Variants in MFSD8 observed in about 807,000 individuals in gnomAD.
MFSD8 encodes major facilitator superfamily domain containing 8.
Under a neutral mutation model 66.4 loss-of-function variants are expected in MFSD8, and 55 were observed. The ratio of observed to expected loss-of-function variants is 0.83; its 90% CI spans 0.67 to 1.04. MFSD8 has a LOEUF of 1.04. MFSD8 is among the 50% of genes least tolerant of loss of function. MFSD8 has a pLI of 0.00. For missense variants in MFSD8, 550 were observed against 627.6 expected, an observed-to-expected ratio of 0.88 and a Z score of 1.32; for synonymous variants, 202 against 212.8, an observed-to-expected ratio of 0.95 and a Z score of 0.44.
intron 1 of MFSD8, among the ~76,000 whole-genome samples, chr4:127,963,849 T>C (rs1293579066): frequency 1.3e-5 from 2 of 152,176 alleles, no homozygotes; most frequent in Non-Finnish European, 2.9e-5. Context: ...TCCTGCTGAT[T>C]GGTAGAGCCG....
intron 5 of MFSD8, among the ~76,000 whole-genome samples, chr4:127,940,497 A>G (rs1739979505): frequency 6.9e-6 from 1 of 144,380 alleles, no homozygotes; most frequent in Non-Finnish European, 1.5e-5. Context: ...CAGATATCTT[A>G]AATATTATTC....
chr4:127,946,450 A>AC (rs1360940676), intron 3 of MFSD8, among the ~76,000 whole-genome samples: 4 of 152,186 alleles, frequency 2.6e-5, no homozygotes, highest in Non-Finnish European at 4.4e-5. Context: ...TCCAATGACT[A>AC]CCAGCATGGA....
rs1739839175 is a variant in MFSD8 at position 127,939,839 on chromosome 4, TTCTA to T, written c.698+10_698+13del. 1.9e-6 allele frequency: 3 copies of T among 1,604,108 alleles called. No individual in the cohort carries two copies. ...CAATCTACAAAAATAGTTTTATCAT[TTCTA>T]TCTAATTACCTTAGTATGGCAAGGA... On this transcript the variant is annotated intron_variant, in intron 6 of 11. Coordinates refer to ENST00000641686, the MANE Select transcript of MFSD8 (RefSeq NM_001371596.2).
Position 127,942,154 on chromosome 4 carries a change from A to G in MFSD8, c.444T>C (p.Asn148=). ...CAGTATATGATCTAACAACTGCTAC[A>G]TTTCCTTAAAAACAAGACACAATAA... ...ARGLLGIGAG[N]VAVVRSYTAG... is the part of the protein sequence containing the mutation. Residue 148 remains asparagine, a synonymous_variant, in exon 5 of 12, where the codon AAT becomes AAC. Transcript: ENST00000641686. 1 of 1,603,798 alleles carries G rather than the reference A, an allele frequency of 6.2e-7. No homozygotes were observed. The highest frequency in any genetic ancestry group is 8.5e-7 in the Non-Finnish European group (1 of 1,170,800).
chr4:127,954,309 G>A (rs189679303), intron 2 of MFSD8, among the ~76,000 whole-genome samples: 1 of 151,252 alleles, frequency 6.6e-6, no homozygotes, highest in East Asian at 1.9e-4. Context: ...AATAAGTTGA[G>A]GTTAGAGGCA....
At chr4:127,951,556 C>G (rs2148950004) in intron 2 of MFSD8, among the ~76,000 whole-genome samples, 1 of 152,116 alleles carries the variant, frequency 6.6e-6, no homozygotes, top group South Asian at 2.1e-4. Flanking sequence ...ACACATTTGT[C>G]ACCTCAAAAA....
intron 9 of MFSD8, among the ~76,000 whole-genome samples, chr4:127,923,206 G>A (rs531377272): frequency 6.6e-6 from 1 of 152,200 alleles, no homozygotes; most frequent in African/African-American, 2.4e-5. Flanking sequence ...GTCTTGTGCC[G>A]GTTTTCAAAG....
At chr4:127,961,611 G>C (rs1207334137) in intron 1 of MFSD8, among the ~76,000 whole-genome samples, 1 of 151,944 alleles carries the variant, frequency 6.6e-6, no homozygotes, top group African/African-American at 2.4e-5. Context: ...TCAGGAGATC[G>C]AGACCATCCT....
At chr4:127,940,185 A>C (rs749214918) in intron 5 of MFSD8, among the ~76,000 whole-genome samples, 188 bp from the exon 6 acceptor site, 13 of 152,140 alleles carry the variant, frequency 8.5e-5, no homozygotes, top group Non-Finnish European at 1.6e-4. Flanking sequence ...TGTATAAAGC[A>C]GGTATGTACA....
At chr4:127,951,916 G>A (rs1489298991) in intron 2 of MFSD8, among the ~76,000 whole-genome samples, 3 of 151,476 alleles carry the variant, frequency 2.0e-5, no homozygotes, top group Non-Finnish European at 4.4e-5. Flanking sequence ...TTTTCGTAGA[G>A]ATGGGGTTTC....
intron 7 of MFSD8, among the ~76,000 whole-genome samples, chr4:127,937,566 C>T (rs1739284147): frequency 6.6e-6 from 1 of 152,160 alleles, no homozygotes; most frequent in Non-Finnish European, 1.5e-5. Flanking sequence ...AAGAAAAACA[C>T]AAATATTGTA....
chr4:127,935,368 G>A (rs925268703), intron 7 of MFSD8, among the ~76,000 whole-genome samples: 4 of 152,076 alleles, frequency 2.6e-5, no homozygotes, highest in African/African-American at 4.8e-5. Context: ...GGCTTCAGTG[G>A]GGTATCTCAG....
At chr4:127,932,835 A>C (rs1022549134) in intron 8 of MFSD8, 150 bp downstream of exon 8, 2 of 601,712 alleles carry the variant, frequency 3.3e-6, no homozygotes, top group African/African-American at 3.7e-5. Flanking sequence ...AGTTACAAGC[A>C]ACAAAATGTA....
At chr4:127,964,367 C>A (rs1490525474) in intron 1 of MFSD8, among the ~76,000 whole-genome samples, 1 of 152,242 alleles carries the variant, frequency 6.6e-6, no homozygotes, top group Non-Finnish European at 1.5e-5. Context: ...GGCTGCAGGT[C>A]CCGAGCCCTG....
intron 1 of MFSD8, among the ~76,000 whole-genome samples, chr4:127,958,430 A>G (rs1490108052): frequency 6.6e-6 from 1 of 152,180 alleles, no homozygotes; most frequent in Non-Finnish European, 1.5e-5. Context: ...AAGCCTTAGA[A>G]CTGTCAAATT....
intron 3 of MFSD8, 70 bp from the exon 4 acceptor site, chr4:127,944,062 T>C (rs935851206): frequency 3.1e-6 from 5 of 1,593,872 alleles, no homozygotes; most frequent in East Asian, 2.2e-5. Flanking sequence ...ACATTTGTCA[T>C]ACCATGTAAG....
chr4:127,941,652 G>A (rs562519668), intron 5 of MFSD8, among the ~76,000 whole-genome samples: 1 of 152,014 alleles, frequency 6.6e-6, no homozygotes, highest in Admixed American at 6.6e-5. Flanking sequence ...AGTAGAGATG[G>A]GGTTTCACCA....
intron 9 of MFSD8, among the ~76,000 whole-genome samples, chr4:127,928,721 C>G (rs1737620919): frequency 6.6e-6 from 1 of 152,084 alleles, no homozygotes; most frequent in Non-Finnish European, 1.5e-5. Context: ...CCATATGAAC[C>G]AGCAATCCCA....
rs142328347 is a variant in MFSD8, at chr4:127,948,411, G to A, written c.198+1393C>T. Among the ~76,000 whole-genome samples, 135 of 152,272 alleles carry A rather than the reference G, an allele frequency of 8.9e-4. 2 individuals carry two copies. Among genetic ancestry groups the A allele is most frequent in the African/African-American group, 3.0e-3 (124 of 41,568 alleles). On this transcript the variant is annotated intron_variant, in intron 3 of 11. Coordinates refer to ENST00000641686, the MANE Select transcript of MFSD8 (RefSeq NM_001371596.2). ...ATTATGCCAGTGTATGAAATCCCAA[G>A]TCAAAAGGTCAAACCGCAGGCTTGT...
Sources: gnomAD v4.1 joint callset for allele counts (sites outside exome capture counted in the v4.1 genomes callset) on GRCh38, gnomAD v4.1.1 for gene constraint, MANE v1.5 for transcripts, NCBI Gene and HGNC (gene_info 2026-07-23, HGNC 2026-07-21) for gene names.